CUL7: variants seen among roughly 807,000 people sequenced by gnomAD.
CUL7 encodes the protein cullin 7.
Under a neutral mutation model 177.7 loss-of-function variants are expected in CUL7, and 96 were observed. The ratio of observed to expected loss-of-function variants is 0.54; its 90% confidence interval spans 0.46 to 0.64. The LOEUF is 0.64. Among genes scored for constraint, CUL7 ranks in the 30% least tolerant of loss-of-function variants. The probability of loss-of-function intolerance (pLI) is 0.00; values close to 1 mark genes in which losing one functional copy is unlikely to be tolerated. For synonymous variants in CUL7, 824 were observed against 890.2 expected, an observed-to-expected ratio of 0.93 and a Z score of 1.32; for missense variants, 1,893 against 2,187.9, an observed-to-expected ratio of 0.87 and a Z score of 2.69.
chr6:43,050,212 C>T lies in CUL7; in HGVS notation c.1372+48G>A, dbSNP rs757532327. ...GATGTCACTAGCAACTCAGCAGGACCACCATTCCTCTGCTCAGAGCTGACC... is the reference window on the plus strand; with the variant it reads ...GATGTCACTAGCAACTCAGCAGGACTACCATTCCTCTGCTCAGAGCTGACC... On this transcript the variant is annotated intron_variant, in intron 5 of 25. Transcript: ENST00000265348. This position sits in a 1 kb window ranked among gnomAD's most constrained non-coding sequence, Gnocchi z 4.1. The T allele has an allele frequency of 6.2e-7, 1 of 1,614,146 alleles. No homozygotes were observed. Among genetic ancestry groups the T allele is most frequent in the East Asian group, 2.2e-5 (1 of 44,870 alleles).
chr6:43,042,023 A>AAT lies in CUL7; in HGVS notation c.3645+778_3645+779insAT, dbSNP rs1491249002. 2.9e-5 allele frequency among the ~76,000 whole-genome samples: 4 copies of AAT among 137,426 alleles called. No individual in the cohort carries two copies. The East Asian group carries it at 6.3e-4, about 22-fold the overall frequency. The allele number at this position is 137,426 out of a possible 152,430, so 90.2% of individuals were successfully genotyped here. ...CGTCTCAAAAAAAAAAAAAAAAAAA[A>AAT]GGAAGAAGAAAGAAAGAGAGAAGGA... is the stretch of plus-strand genomic sequence containing the variant. On this transcript the variant is annotated intron_variant, in intron 19 of 25. Transcript: ENST00000265348.
Position 43,052,559 on chromosome 6 carries a change from T to A in CUL7, c.230A>T (p.Asn77Ile), listed in dbSNP as rs767070939. Residue 77 changes from asparagine (N) to isoleucine (I), a missense_variant, in exon 2 of 26, where the codon AAC (asparagine) becomes ATC (isoleucine). Coordinates refer to ENST00000265348, the MANE Select transcript of CUL7 (RefSeq NM_014780.5). This position sits in a 1 kb window ranked among gnomAD's most constrained non-coding sequence, Gnocchi z 4.5. ...ATCCTCGCCCAGCATCTTGTGGCAG[T>A]TGGCATAGATCTCATCCTTGGACAT... ...LWMSKDEIYA[N>I]CHKMLGEDGQ... 6.2e-7 allele frequency: 1 copy of A among 1,614,246 alleles called. No homozygotes were observed. The highest frequency in any genetic ancestry group is 1.7e-5 in the Admixed American group (1 of 60,032).
chr6:43,052,824 A>T lies in CUL7; in HGVS notation c.-8-28T>A, dbSNP rs1259810745. On this transcript the variant is annotated intron_variant, in intron 1 of 25. Transcript: ENST00000265348. This position sits in a 1 kb window ranked among gnomAD's most constrained non-coding sequence, Gnocchi z 4.5. ...GGAGCACACAAGGAAAAGAGAACAG[A>T]CAAGCTAGAGGAAGGAGAGGTCAGA... is the stretch of plus-strand genomic sequence containing the variant. 6.3e-7 allele frequency: 1 copy of T among 1,594,758 alleles called. No individual in the cohort carries two copies. The highest frequency in any genetic ancestry group is 2.2e-5 in the East Asian group (1 of 44,714).
In CUL7 at chr6:43,044,620, C is replaced by T. The variant is rs1018300776; in HGVS notation, c.3172+132G>A. 1.1e-5 allele frequency: 14 copies of T among 1,301,662 alleles called. No individual in the cohort carries two copies. In the African/African-American group the frequency reaches 1.9e-4, roughly 18 times the overall value. The allele number at this position is 1,301,662 out of a possible 1,614,324, so 80.6% of individuals were successfully genotyped here. ...CAGCCCCTGGGCTGTGAGAAGACAG[C>T]ACTGGGATTACAAATGCAGGTGCCA... On this transcript the variant is annotated intron_variant, in intron 16 of 25. Coordinates refer to ENST00000265348, the MANE Select transcript of CUL7 (RefSeq NM_014780.5).
chr6:43,045,659 G>A lies in CUL7; in HGVS notation c.2790C>T (p.Ser930=). ...TCAGGTTCTCCAGGAGGATCACCCG[G>A]CTGGCAGAGGGCATCACATTCACCT... ...LNSVNVMPSA[S]RVILLENLTR... Residue 930 remains serine, a synonymous_variant, in exon 14 of 26, where the codon AGC becomes AGT. Coordinates refer to ENST00000265348, the MANE Select transcript of CUL7 (RefSeq NM_014780.5). The surrounding 1 kb of genome is among the most constrained non-coding windows in gnomAD (Gnocchi z 4.8). The A allele has an allele frequency of 6.2e-7, 1 of 1,614,218 alleles. No homozygotes were observed. The highest frequency in any genetic ancestry group is 8.5e-7 in the Non-Finnish European group (1 of 1,180,030).
At chr6:43,038,052 A>G (rs1482100293) in intron 25 of CUL7, 41 bp from the exon 26 acceptor site, 1 of 1,564,624 alleles carries the variant, frequency 6.4e-7, no homozygotes, top group Admixed American at 1.8e-5. Flanking sequence ...GTTTAGAGGC[A>G]GCTGACCCCT....
rs1581965051 is a variant in CUL7 at position 43,052,125 on chromosome 6, A to T, written c.580+84T>A. On this transcript the variant is annotated intron_variant, in intron 2 of 25. Transcript: ENST00000265348. This position sits in a 1 kb window ranked among gnomAD's most constrained non-coding sequence, Gnocchi z 4.5. ...ATCATTTACGTACTGATGAGATCAG[A>T]GGCTCCTGCCACAGTGTCCTGTGAG... The T allele has an allele frequency of 6.3e-7, 1 of 1,577,824 alleles. No homozygotes were observed. The highest frequency in any genetic ancestry group is 1.4e-5 in the African/African-American group (1 of 73,912).
chr6:43,048,713 G>A lies in CUL7; in HGVS notation c.1826-144C>T. The A allele has an allele frequency of 4.8e-6, 3 of 626,010 alleles. No homozygotes were observed. The South Asian group carries it at 6.1e-5, about 13-fold the overall frequency. The allele number at this position is 626,010 out of a possible 1,614,324, so 38.8% of individuals were successfully genotyped here. A position where few individuals can be genotyped will look rare whatever the true frequency, so the allele number is the denominator to read the frequency against. ...TAATCCCCCTAAAAGTTAGGTTTGG[G>A]GATCTAATCTCTGAATGTCATTGTA... is the stretch of plus-strand genomic sequence containing the variant. On this transcript the variant is annotated intron_variant, in intron 7 of 25. Transcript: ENST00000265348.
In CUL7 at chr6:43,053,069, G is replaced by T. The variant is rs1370753156; in HGVS notation, c.-8-273C>A. Among the ~76,000 whole-genome samples the T allele has an allele frequency of 1.3e-5, 2 of 152,110 alleles. No individual in the cohort carries two copies. The highest frequency in any genetic ancestry group is 2.9e-5 in the Non-Finnish European group (2 of 68,014). On this transcript the variant is annotated intron_variant, in intron 1 of 25. Transcript: ENST00000265348. The surrounding 1 kb of genome is among the most constrained non-coding windows in gnomAD (Gnocchi z 4.1). ...AGTGGGTTGATATGGAACAGTGGGC[G>T]GACTAGTGGGGGCAGGGCAGCCTTG...
rs767470504 is a variant in CUL7 at position 43,040,319 on chromosome 6, A to G, written c.4131T>C (p.Asn1377=). Reference sequence around the variant, plus strand: ...TTGCCCCTTCATAGTAGAGGTCCTCATTCTCCTCCTCTTCCTCCTCTCCCT... The same window carrying G: ...TTGCCCCTTCATAGTAGAGGTCCTCGTTCTCCTCCTCTTCCTCCTCTCCCT... ...VAEGEEEEEE[N]EDLYYEGAMP... is the part of the protein sequence containing the mutation. The change falls in exon 22 of 26, where the codon AAT becomes AAC. Residue 1377 remains asparagine, a synonymous_variant. Coordinates refer to ENST00000265348, the MANE Select transcript of CUL7 (RefSeq NM_014780.5). The surrounding 1 kb of genome is among the most constrained non-coding windows in gnomAD (Gnocchi z 4.2). The G allele has an allele frequency of 1.8e-5, 29 of 1,613,722 alleles. No homozygotes were observed. The East Asian group carries it at 6.5e-4, about 36-fold the overall frequency.
At chr6:43,041,770 G>A (rs7745432) in intron 19 of CUL7, among the ~76,000 whole-genome samples, 1 of 151,664 alleles carries the variant, frequency 6.6e-6, no homozygotes, top group Non-Finnish European at 1.5e-5. Context: ...CTTTGGGAGG[G>A]TGAGGCGGGC....
Position 43,040,122 on chromosome 6 carries a change from C to T in CUL7, c.4294+34G>A. The T allele has an allele frequency of 1.2e-6, 2 of 1,613,420 alleles. No individual in the cohort carries two copies. Among genetic ancestry groups the T allele is most frequent in the African/African-American group, 2.7e-5 (2 of 75,016 alleles). On this transcript the variant is annotated intron_variant, in intron 22 of 25. Transcript: ENST00000265348. The surrounding 1 kb of genome is among the most constrained non-coding windows in gnomAD (Gnocchi z 4.2). ...GTCCTTTCCTAGCAGCCCACCCTCT[C>T]CCCAGTCCCCAGTCCCTCTGCCTGG...
At position 43,040,907 on chromosome 6, in the gene CUL7, A is replaced by T; in HGVS notation, c.3806+8T>A. 3 of 1,612,956 alleles carry T rather than the reference A, an allele frequency of 1.9e-6. No homozygotes were observed. The highest frequency in any genetic ancestry group is 2.5e-6 in the Non-Finnish European group (3 of 1,179,470). On this transcript the variant is annotated splice_region_variant and intron_variant, in intron 20 of 25. Coordinates refer to ENST00000265348, the MANE Select transcript of CUL7 (RefSeq NM_014780.5). This position sits in a 1 kb window ranked among gnomAD's most constrained non-coding sequence, Gnocchi z 4.2. ...CCGCCAGCTCCCGCTCCTTAGGTCCACACTCACTGGTAATAATGCTCAAAA... is the reference window on the plus strand; with the variant it reads ...CCGCCAGCTCCCGCTCCTTAGGTCCTCACTCACTGGTAATAATGCTCAAAA...
rs1470341057 is a variant in CUL7 at position 43,053,145 on chromosome 6, A to ATT, written c.-8-350_-8-349insAA. 1.3e-5 allele frequency among the ~76,000 whole-genome samples: 2 copies of ATT among 152,168 alleles called. No homozygotes were observed. The highest frequency in any genetic ancestry group is 2.9e-5 in the Non-Finnish European group (2 of 68,030). On this transcript the variant is annotated intron_variant, in intron 1 of 25. Coordinates refer to ENST00000265348, the MANE Select transcript of CUL7 (RefSeq NM_014780.5). This position sits in a 1 kb window ranked among gnomAD's most constrained non-coding sequence, Gnocchi z 4.1. The stretch of plus-strand genomic sequence containing the variant: ...TGGAACAGGCAGCAACCTATGGGGT[A>ATT]TGTGAAGCCCAGAGGGGTATGTTTG...
Position 43,045,618 on chromosome 6 carries a change from A to G in CUL7, c.2831T>C (p.Ile944Thr). The G allele has an allele frequency of 6.2e-7, 1 of 1,614,208 alleles. No homozygotes were observed. Among genetic ancestry groups the G allele is most frequent in the Non-Finnish European group, 8.5e-7 (1 of 1,180,038 alleles). The change falls in exon 14 of 26, where the codon ATC becomes ACC. Residue 944 changes from isoleucine to threonine, a missense_variant. This residue lies in a region of CUL7 where 973 missense variants were observed against 1,140.9 expected (regional missense o/e 0.85). Coordinates refer to ENST00000265348, the MANE Select transcript of CUL7 (RefSeq NM_014780.5). The surrounding 1 kb of genome is among the most constrained non-coding windows in gnomAD (Gnocchi z 4.8). ...LLENLTRFWP[I>T]IQIRIKRCQQ... ...GCAGCGCTTTATGCGGATCTGGATGATGGGCCAGAAGCGGGTCAGGTTCTC... is the reference window on the plus strand; with the variant it reads ...GCAGCGCTTTATGCGGATCTGGATGGTGGGCCAGAAGCGGGTCAGGTTCTC...
rs1764323004 is a variant in CUL7 at position 43,050,699 on chromosome 6, TC to T, written c.1233+268del. 6.6e-6 allele frequency among the ~76,000 whole-genome samples: 1 copy of T among 151,708 alleles called. No homozygotes were observed. The highest frequency in any genetic ancestry group is 2.4e-5 in the African/African-American group (1 of 41,270). ...CACACTTCCTTCTGGCCTCCACCAC[TC>T]CATCTCCCTGACCCTGACCTTTGGA... On this transcript the variant is annotated intron_variant, in intron 4 of 25. Transcript: ENST00000265348. The surrounding 1 kb of genome is among the most constrained non-coding windows in gnomAD (Gnocchi z 4.1).
Position 43,046,761 on chromosome 6 carries a change from C to A in CUL7, c.2397+119G>T, listed in dbSNP as rs947687050. 4 of 1,282,374 alleles carry A rather than the reference C, an allele frequency of 3.1e-6. No individual in the cohort carries two copies. The African/African-American group carries it at 4.4e-5, about 14-fold the overall frequency. 79.4% of individuals were successfully genotyped at this position (1,282,374 alleles called of 1,614,324 possible). A position where few individuals can be genotyped will look rare whatever the true frequency, so the allele number is the denominator to read the frequency against. ...GGCAGAGGGGAAGGGGAACAAATGC[C>A]CCAGGGTCACTAGAGTCACCTGCTG... On this transcript the variant is annotated intron_variant, in intron 10 of 25. Coordinates refer to ENST00000265348, the MANE Select transcript of CUL7 (RefSeq NM_014780.5).
chr6:43,049,932 C>T (rs975263790), intron 6 of CUL7, 31 bp downstream of exon 6: 5 of 1,603,364 alleles, frequency 3.1e-6, no homozygotes, highest in South Asian at 1.1e-5. Context: ...TAGAGCCCTC[C>T]AACCTCTGAG....
Sources: gnomAD v4.1 joint callset for allele counts (sites outside exome capture counted in the v4.1 genomes callset) on GRCh38, gnomAD v4.1.1 for gene constraint, gnomAD v4.1.1 regional missense constraint, Gnocchi (gnomAD v3.1) non-coding constraint, MANE v1.5 for transcripts, NCBI Gene and HGNC (gene_info 2026-07-23, HGNC 2026-07-21) for gene names.